Variants in XYLT1 observed in about 807,000 individuals in gnomAD.
XYLT1 encodes the protein beta-D-xylosyltransferase 1.
In XYLT1, 36 loss-of-function variants were observed where a neutral mutation model predicts 91.3. The ratio of observed to expected loss-of-function variants is 0.39; its 90% CI spans 0.30 to 0.52. The LOEUF is 0.52. XYLT1 is among the 20% of genes least tolerant of loss of function. XYLT1 has a pLI of 0.68. For synonymous variants in XYLT1, 588 were observed against 532.0 expected (o/e 1.11, Z -1.45); for missense variants, 1,242 against 1,284.5 (o/e 0.97, Z 0.51).
At chr16:17,242,439 T>C (rs1324837265) in intron 3 of XYLT1, among the ~76,000 whole-genome samples, 1 of 152,142 alleles carries the variant, frequency 6.6e-6, no homozygotes, top group East Asian at 1.9e-4. Flanking sequence ...TCAAGACCCA[T>C]CCAGGGCTCC....
At position 17,185,344 on chromosome 16, in the gene XYLT1, C is replaced by T. The variant is rs372248003; in HGVS notation, c.1289+12868G>A. On this transcript the variant is annotated intron_variant, in intron 5 of 11. Transcript: ENST00000261381. ...TCCAGTCTCCTTGTGAACAACAGTCCGAGCAGATACACCCTTTCAAACTCA... is the reference window on the plus strand; with the variant it reads ...TCCAGTCTCCTTGTGAACAACAGTCTGAGCAGATACACCCTTTCAAACTCA... Among the ~76,000 whole-genome samples, 80 of 152,302 alleles carry T rather than the reference C, an allele frequency of 5.3e-4. 1 individual carries two copies. Among genetic ancestry groups the T allele is most frequent in the South Asian group, 4.1e-3 (20 of 4,826 alleles).
At chr16:17,109,413 G>A (rs182150008) in intron 11 of XYLT1, among the ~76,000 whole-genome samples, 17 of 152,196 alleles carry the variant, frequency 1.1e-4, no homozygotes, top group Admixed American at 1.1e-3. Flanking sequence ...GTACCTATTA[G>A]GTACCAGGAT....
At chr16:17,243,372 G>T (rs1253846262) in intron 3 of XYLT1, among the ~76,000 whole-genome samples, 7 of 152,172 alleles carry the variant, frequency 4.6e-5, no homozygotes, top group African/African-American at 1.7e-4. Context: ...GCTCCCTAAA[G>T]GTCAAACGAA....
intron 3 of XYLT1, among the ~76,000 whole-genome samples, chr16:17,248,355 A>G (rs1344251510): frequency 6.6e-6 from 1 of 152,172 alleles, no homozygotes; most frequent in African/African-American, 2.4e-5. Flanking sequence ...TATCAGCAGC[A>G]TGAGAACAGA....
intron 8 of XYLT1, among the ~76,000 whole-genome samples, chr16:17,137,300 C>T (rs1701132995): frequency 6.6e-6 from 1 of 152,182 alleles, no homozygotes. Flanking sequence ...CCAATGCCCA[C>T]ACAGCCCGGC....
At chr16:17,285,288 A>G (rs2034117921) in intron 2 of XYLT1, among the ~76,000 whole-genome samples, 1 of 152,338 alleles carries the variant, frequency 6.6e-6, no homozygotes, top group East Asian at 1.9e-4. Context: ...CACACCAGCA[A>G]ATGGCTTTAA....
intron 2 of XYLT1, among the ~76,000 whole-genome samples, chr16:17,267,087 TG>T (rs1473795219): frequency 5.3e-5 from 8 of 152,278 alleles, no homozygotes; most frequent in South Asian, 4.1e-4. Context: ...ATCATGTTAA[TG>T]GGATGCAAAA....
intron 3 of XYLT1, among the ~76,000 whole-genome samples, chr16:17,214,391 A>G (rs2032817640): frequency 6.6e-6 from 1 of 152,176 alleles, no homozygotes; most frequent in South Asian, 2.1e-4. Flanking sequence ...ACCCTCCTTC[A>G]TAGGGAGGAA....
At chr16:17,328,326 C>G (rs1467592382) in intron 2 of XYLT1, among the ~76,000 whole-genome samples, 1 of 151,884 alleles carries the variant, frequency 6.6e-6, no homozygotes, top group Non-Finnish European at 1.5e-5. Context: ...GTGGGCAGAT[C>G]ACCTGAGGTC....
intron 2 of XYLT1, among the ~76,000 whole-genome samples, chr16:17,264,282 T>A (rs1394756763): frequency 6.6e-6 from 1 of 152,154 alleles, no homozygotes; most frequent in Non-Finnish European, 1.5e-5. Context: ...GTTCTAGGAT[T>A]CGGACTATTT....
At chr16:17,248,380 C>G (rs1306297314) in intron 3 of XYLT1, among the ~76,000 whole-genome samples, 1 of 152,196 alleles carries the variant, frequency 6.6e-6, no homozygotes, top group Non-Finnish European at 1.5e-5. Flanking sequence ...TACAGGGGGG[C>G]CTACCTTCCC....
chr16:17,454,700 C>A (rs2036713176), intron 1 of XYLT1, among the ~76,000 whole-genome samples: 1 of 151,950 alleles, frequency 6.6e-6, no homozygotes, highest in African/African-American at 2.4e-5. Context: ...CCACACCCAG[C>A]TATTTTTTTG....
chr16:17,218,357 CTTT>C (rs1383496437), intron 3 of XYLT1, among the ~76,000 whole-genome samples: 1 of 135,944 alleles, frequency 7.4e-6, no homozygotes, highest in Non-Finnish European at 1.7e-5. Flanking sequence ...GTAGTGCGGA[CTTT>C]TGTTTTTTTT....
chr16:17,180,249 T>C (rs1387206440), intron 5 of XYLT1, among the ~76,000 whole-genome samples: 2 of 152,216 alleles, frequency 1.3e-5, no homozygotes, highest in East Asian at 3.8e-4. Flanking sequence ...AATTCCTGAA[T>C]GGTTGCACCA....
intron 1 of XYLT1, among the ~76,000 whole-genome samples, chr16:17,365,455 A>T (rs536485111): frequency 1.2e-4 from 19 of 152,310 alleles, no homozygotes; most frequent in Middle Eastern, 3.4e-3. Context: ...ATGTGAATGC[A>T]GGCCAGAATC....
intron 5 of XYLT1, among the ~76,000 whole-genome samples, chr16:17,176,493 C>CCTCA (rs763807643): frequency 6.6e-5 from 10 of 152,250 alleles, no homozygotes; most frequent in Non-Finnish European, 1.2e-4. Flanking sequence ...AAATTGAACT[C>CCTCA]AGGCTCTGCT....
intron 1 of XYLT1, among the ~76,000 whole-genome samples, chr16:17,409,738 T>C (rs1448864355): frequency 6.6e-6 from 1 of 151,796 alleles, no homozygotes; most frequent in Non-Finnish European, 1.5e-5. Context: ...TTAGTAGAGA[T>C]GGGGTTTCAC....
intron 3 of XYLT1, among the ~76,000 whole-genome samples, chr16:17,246,907 GCAGGGAA>G (rs1306205770): frequency 3.3e-5 from 5 of 152,278 alleles, no homozygotes; most frequent in Non-Finnish European, 7.4e-5. Flanking sequence ...ATGTACCCCA[GCAGGGAA>G]CAGGCAAGGT....
chr16:17,158,575 A>G (rs2031472048), intron 6 of XYLT1, among the ~76,000 whole-genome samples: 1 of 152,204 alleles, frequency 6.6e-6, no homozygotes, highest in African/African-American at 2.4e-5. Flanking sequence ...GAGATATTGG[A>G]CTTGTGGAAG....
Sources: allele counts gnomAD v4.1 joint callset (sites outside exome capture counted in the v4.1 genomes callset), GRCh38; gene constraint gnomAD v4.1.1; transcripts MANE v1.5; gene names NCBI Gene and HGNC (gene_info 2026-07-23, HGNC 2026-07-21).